Variants in ZNF106 observed in about 807,000 individuals in gnomAD.
ZNF106 encodes the protein SH3-domain binding protein 3.
Under a neutral mutation model 195.1 loss-of-function variants are expected in ZNF106, and 67 were observed. That is an observed-to-expected ratio of 0.34 (90% CI 0.28 to 0.42). ZNF106 has a LOEUF of 0.42. Ranked by LOEUF, ZNF106 falls within the 10% of genes least tolerant of loss-of-function variation. ZNF106 has a pLI of 1.00. For synonymous variants in ZNF106, 784 were observed against 818.6 expected (o/e 0.96, Z 0.72); for missense variants, 2,118 against 2,304.5 (o/e 0.92, Z 1.66).
At chr15:42,480,494 G>T (rs73402784) in intron 1 of ZNF106, among the ~76,000 whole-genome samples, 8,270 of 152,170 alleles carry the variant, frequency 0.054, 731 homozygotes, top group African/African-American at 0.19. Context: ...AGTTGAATTA[G>T]ATCTACTATT....
Position 42,442,255 on chromosome 15 carries a change from G to A in ZNF106, c.3581C>T (p.Pro1194Leu). ...EPPSSHVSPSPTGASLQITTS... is the reference protein window; with the variant it reads ...EPPSSHVSPSLTGASLQITTS... Reference sequence around the variant, plus strand: ...GGTTATTTGAAGAGAGGCTCCGGTGGGTGATGGAGACACATGGGAAGATGG... The same window carrying A: ...GGTTATTTGAAGAGAGGCTCCGGTGAGTGATGGAGACACATGGGAAGATGG... Residue 1194 changes from proline to leucine, a missense_variant, in exon 10 of 22, where the codon CCC (proline) becomes CTC (leucine). Transcript: ENST00000564754. 1 of 1,614,136 alleles carries A rather than the reference G, an allele frequency of 6.2e-7. No homozygotes were observed.
chr15:42,444,547 C>G (rs1426955602), intron 8 of ZNF106, among the ~76,000 whole-genome samples: 1 of 150,446 alleles, frequency 6.6e-6, no homozygotes, highest in Non-Finnish European at 1.5e-5. Context: ...CATCCCGCCC[C>G]CTGGCTGTGG....
intron 10 of ZNF106, among the ~76,000 whole-genome samples, chr15:42,440,329 T>C (rs781552822): frequency 6.6e-6 from 1 of 152,198 alleles, no homozygotes; most frequent in Non-Finnish European, 1.5e-5. Flanking sequence ...CAAAGACATA[T>C]ACAATGCAGT....
At chr15:42,428,956 G>A (rs1398674359) in intron 14 of ZNF106, among the ~76,000 whole-genome samples, 1 of 151,274 alleles carries the variant, frequency 6.6e-6, no homozygotes, top group Non-Finnish European at 1.5e-5. Flanking sequence ...TAGTAGAGAC[G>A]GGGTTTCATC....
rs1170282830 is a variant in ZNF106, at chr15:42,449,787, C to T, written c.2485G>A (p.Gly829Ser). 1.2e-6 allele frequency: 2 copies of T among 1,613,602 alleles called. No individual in the cohort carries two copies. The highest frequency in any genetic ancestry group is 1.7e-6 in the Non-Finnish European group (2 of 1,179,788). The change falls in exon 5 of 22, where the codon GGC becomes AGC. Residue 829 changes from glycine (G) to serine (S), a missense_variant. Gly to Ser is a moderately conservative substitution (Grantham distance 56). Transcript: ENST00000564754. ...AGCACACACCTGGGTAAGCCTTTGC[C>T]CAGCTCTTGCTTTTTCTTGGTTACT... ...QQVTKKKQELGKGLPRFGIEM... is the reference protein window; with the variant it reads ...QQVTKKKQELSKGLPRFGIEM...
At chr15:42,485,340 C>G (rs545558330) in intron 1 of ZNF106, among the ~76,000 whole-genome samples, 38 of 152,248 alleles carry the variant, frequency 2.5e-4, no homozygotes, top group South Asian at 6.2e-4. Context: ...TTTCATCTAG[C>G]TATTCCACAA....
chr15:42,454,476 G>A (rs2056160424), intron 4 of ZNF106, among the ~76,000 whole-genome samples: 1 of 151,858 alleles, frequency 6.6e-6, no homozygotes. Flanking sequence ...AGATCATCAT[G>A]AATTGGCTAG....
intron 11 of ZNF106, 125 bp from the exon 12 acceptor site, chr15:42,438,792 G>A (rs944586810): frequency 1.1e-6 from 1 of 939,950 alleles, no homozygotes; most frequent in Admixed American, 2.9e-5. Flanking sequence ...TAAGAGATTA[G>A]ATTTTCCATC....
intron 21 of ZNF106, 41 bp from the exon 22 acceptor site, chr15:42,417,401 T>G: frequency 2.3e-5 from 36 of 1,599,072 alleles, no homozygotes; most frequent in Non-Finnish European, 2.9e-5. Flanking sequence ...GAGAAGTCGA[T>G]AGTAAGACAG....
At chr15:42,467,000 G>C (rs1456864411) in intron 2 of ZNF106, among the ~76,000 whole-genome samples, 1 of 152,180 alleles carries the variant, frequency 6.6e-6, no homozygotes, top group Admixed American at 6.5e-5. Context: ...GGGCGTGGCA[G>C]TGCGTGCCTA....
chr15:42,454,737 A>G (rs116853380), intron 4 of ZNF106, among the ~76,000 whole-genome samples: 2,152 of 151,812 alleles, frequency 0.014, 26 homozygotes, highest in Non-Finnish European at 0.022. Context: ...TAAAAATAAA[A>G]AAAAAAAAAT....
At position 42,422,367 on chromosome 15, in the gene ZNF106, A is replaced by G; in HGVS notation, c.5373+134T>C. On this transcript the variant is annotated intron_variant, in intron 18 of 21. Transcript: ENST00000564754. The stretch of plus-strand genomic sequence containing the variant: ...CTGCAGTCCACAGGCCAGCTGTTTC[A>G]TAATTATCTAGAATGCTTGTGAAAA... 5 of 1,224,476 alleles carry G rather than the reference A, an allele frequency of 4.1e-6. No individual in the cohort carries two copies. The East Asian group carries it at 7.6e-5, about 19-fold the overall frequency. The allele number at this position is 1,224,476 out of a possible 1,614,324, so 75.9% of individuals were successfully genotyped here.
At chr15:42,462,579 C>T (rs979479812) in intron 3 of ZNF106, among the ~76,000 whole-genome samples, 4 of 151,930 alleles carry the variant, frequency 2.6e-5, no homozygotes, top group African/African-American at 9.7e-5. Context: ...GCTTGGGCTA[C>T]GAGTGTGAAA....
chr15:42,478,941 TGTC>T (rs2056842843), intron 1 of ZNF106, among the ~76,000 whole-genome samples: 1 of 152,250 alleles, frequency 6.6e-6, no homozygotes, highest in East Asian at 1.9e-4. Context: ...CAAATTTTGA[TGTC>T]GTATTTTCAT....
rs2054807090 is a variant in ZNF106 at position 42,425,087 on chromosome 15, A to T, written c.4999-62T>A. On this transcript the variant is annotated intron_variant, in intron 15 of 21. Coordinates refer to ENST00000564754, the MANE Select transcript of ZNF106 (RefSeq NM_001366845.3). ...TAGCTGGAAAATTCAACTAACCAAC[A>T]TCATTACCTTGGTACAAACTCATTT... The T allele has an allele frequency of 5.4e-5, 81 of 1,512,958 alleles. No individual in the cohort carries two copies. In the South Asian group the frequency reaches 9.3e-4, roughly 17 times the overall value. 93.7% of individuals were successfully genotyped at this position (1,512,958 alleles called of 1,614,324 possible).
Position 42,415,443 on chromosome 15 carries a change from T to G in ZNF106, c.*1861A>C, listed in dbSNP as rs2054415730. 2.2e-6 allele frequency: 1 copy of G among 453,406 alleles called. No individual in the cohort carries two copies. Among genetic ancestry groups the G allele is most frequent in the Admixed American group, 2.4e-5 (1 of 42,160 alleles). 28.1% of individuals were successfully genotyped at this position (453,406 alleles called of 1,614,324 possible). A position where few individuals can be genotyped will look rare whatever the true frequency, so the allele number is the denominator to read the frequency against. ...GGCCTCCTAGATTAATTCTTGACATTTTTTGGATCAAGTAAGAACCACTGG... is the reference window on the plus strand; with the variant it reads ...GGCCTCCTAGATTAATTCTTGACATGTTTTGGATCAAGTAAGAACCACTGG... On this transcript the variant is annotated 3_prime_UTR_variant, in exon 22 of 22. Transcript: ENST00000564754.
chr15:42,472,298 G>A lies in ZNF106; in HGVS notation c.-9C>T. On this transcript the variant is annotated 5_prime_UTR_variant, in exon 2 of 22. Transcript: ENST00000564754. The stretch of plus-strand genomic sequence containing the variant: ...TTTCGTTCTCGTACCATAGTGACCA[G>A]ATCTGAAGCACTCAACGTCACAGCT... The A allele has an allele frequency of 5.2e-6, 8 of 1,535,230 alleles. No individual in the cohort carries two copies. Among genetic ancestry groups the A allele is most frequent in the South Asian group, 1.2e-5 (1 of 83,804 alleles).
Position 42,421,932 on chromosome 15 carries a change from G to A in ZNF106, c.5430C>T (p.Thr1810=), listed in dbSNP as rs769101929. The part of the protein sequence containing the change: ...GGHKDMIMCM[T]IHKSMIYTGC... ...TAACACTCACCATGCTTTTATGGATGGTCATACACATAATCATGTCTTTGT... is the reference window on the plus strand; with the variant it reads ...TAACACTCACCATGCTTTTATGGATAGTCATACACATAATCATGTCTTTGT... Residue 1810 remains threonine (T), a synonymous_variant, in exon 19 of 22, where the codon ACC becomes ACT. Transcript: ENST00000564754. The A allele has an allele frequency of 4.5e-6, 7 of 1,559,150 alleles. No homozygotes were observed. The South Asian group carries it at 5.9e-5, about 13-fold the overall frequency.
At chr15:42,422,346 A>G (rs891506483) in intron 18 of ZNF106, among the ~76,000 whole-genome samples, 155 bp downstream of exon 18, 7 of 151,840 alleles carry the variant, frequency 4.6e-5, no homozygotes, top group Non-Finnish European at 1.0e-4. Context: ...TGAAAGCTGC[A>G]GTCCACAGGC....
Sources: gnomAD v4.1 joint callset for allele counts (sites outside exome capture counted in the v4.1 genomes callset) on GRCh38, gnomAD v4.1.1 for gene constraint, MANE v1.5 for transcripts, NCBI Gene and HGNC (gene_info 2026-07-23, HGNC 2026-07-21) for gene names.